LRRC8C: variants seen among roughly 807,000 people sequenced by gnomAD.
LRRC8C encodes the protein volume-regulated anion channel subunit LRRC8C.
A neutral mutation model predicts 55.3 loss-of-function variants in LRRC8C; 20 were observed. That is an observed-to-expected ratio of 0.36 (90% CI 0.25 to 0.53). LRRC8C has a LOEUF of 0.53. LRRC8C is among the 20% of genes least tolerant of loss of function. LRRC8C has a pLI of 0.92. For synonymous variants in LRRC8C, 376 were observed against 360.7 expected (o/e 1.04, Z -0.48); for missense variants, 659 against 951.4 (o/e 0.69, Z 4.04).
chr1:89,668,562 G>A (rs1657331811), intron 1 of LRRC8C, among the ~76,000 whole-genome samples: 1 of 152,136 alleles, frequency 6.6e-6, no homozygotes, highest in Non-Finnish European at 1.5e-5. Flanking sequence ...TTTCCAAATA[G>A]GTCCTTTTGC....
chr1:89,651,456 T>C (rs555294138), intron 1 of LRRC8C, among the ~76,000 whole-genome samples: 305 of 149,372 alleles, frequency 2.0e-3, no homozygotes, highest in African/African-American at 7.1e-3. Flanking sequence ...TACTCCCAGC[T>C]ACTCGGGAGG....
In LRRC8C at chr1:89,673,835, CAG is replaced by C. The variant is rs143278509; in HGVS notation, c.-4-12634_-4-12633del. 7.1e-3 allele frequency among the ~76,000 whole-genome samples: 1,077 copies of C among 152,306 alleles called. 13 individuals are homozygous for C. The highest frequency in any genetic ancestry group is 0.025 in the African/African-American group (1,032 of 41,554). On this transcript the variant is annotated intron_variant, in intron 1 of 2. Transcript: ENST00000370454. Reference sequence around the variant, plus strand: ...GAAAGTACTCTCTGACAGAGGTCATCAGGGGGTATCCTCAATGAGAGCCTGAA... The same window carrying C: ...GAAAGTACTCTCTGACAGAGGTCATCGGGGTATCCTCAATGAGAGCCTGAA...
the LRRC8C span, among the ~76,000 whole-genome samples, chr1:89,616,389 C>T: frequency 6.6e-6 from 1 of 152,226 alleles, no homozygotes; most frequent in Non-Finnish European, 1.5e-5. Flanking sequence ...TTCTGTAAAA[C>T]ACAGCCAAGT....
At chr1:89,682,944 A>G (rs1657762352) in intron 1 of LRRC8C, among the ~76,000 whole-genome samples, 1 of 152,182 alleles carries the variant, frequency 6.6e-6, no homozygotes, top group South Asian at 2.1e-4. Flanking sequence ...GATTATTGAG[A>G]CTTGAGTATG....
intron 1 of LRRC8C, among the ~76,000 whole-genome samples, chr1:89,651,384 C>T (rs570963565): frequency 2.6e-5 from 4 of 152,050 alleles, no homozygotes; most frequent in Admixed American, 1.3e-4. Context: ...CTGGCTAACA[C>T]GGTGAAACCC....
At chr1:89,675,669 C>G (rs574066249) in intron 1 of LRRC8C, among the ~76,000 whole-genome samples, 1 of 152,332 alleles carries the variant, frequency 6.6e-6, no homozygotes, top group South Asian at 2.1e-4. Context: ...GATTGAAAAC[C>G]TGGCCTTAAC....
chr1:89,623,198 A>G, the LRRC8C span, among the ~76,000 whole-genome samples: 1 of 152,008 alleles, frequency 6.6e-6, no homozygotes, highest in African/African-American at 2.4e-5. Flanking sequence ...ACACACACAC[A>G]CATTCTTTAA....
At chr1:89,621,459 A>T in the LRRC8C span, among the ~76,000 whole-genome samples, 3,131 of 152,122 alleles carry the variant, frequency 0.021, 45 homozygotes, top group Non-Finnish European at 0.032. Flanking sequence ...AGAGCGAGAC[A>T]CCATCTCAAA....
chr1:89,664,749 A>G (rs576462125), intron 1 of LRRC8C, among the ~76,000 whole-genome samples: 1 of 152,266 alleles, frequency 6.6e-6, no homozygotes, highest in Admixed American at 6.5e-5. Context: ...GGCCATTTTC[A>G]CGATATTGAT....
rs7410877 is a variant in LRRC8C, at chr1:89,718,500, G to A, written c.*3518G>A. 6.6e-6 allele frequency: 1 copy of A among 152,092 alleles called. No individual in the cohort carries two copies. Among genetic ancestry groups the A allele is most frequent in the African/African-American group, 2.4e-5 (1 of 41,430 alleles). The allele number at this position is 152,092 out of a possible 1,614,324, so 9.4% of individuals were successfully genotyped here. ...TATCTCTTATTAACACTTCCCCCAA[G>A]AAGGGTTGTGCTGTTATTTATTTTC... is the stretch of plus-strand genomic sequence containing the variant. On this transcript the variant is annotated 3_prime_UTR_variant, in exon 3 of 3. Coordinates refer to ENST00000370454, the MANE Select transcript of LRRC8C (RefSeq NM_032270.5).
In LRRC8C at chr1:89,676,740, A is replaced by G. The variant is rs10922696; in HGVS notation, c.-4-9730A>G. The stretch of plus-strand genomic sequence containing the variant: ...AAAAATACTGTAACAACGTCTTTAA[A>G]TGCACCATTGGCACAGGAAACAATA... On this transcript the variant is annotated intron_variant, in intron 1 of 2. Coordinates refer to ENST00000370454, the MANE Select transcript of LRRC8C (RefSeq NM_032270.5). 2.1e-3 allele frequency among the ~76,000 whole-genome samples: 321 copies of G among 152,344 alleles called. 2 individuals are homozygous for G. The Middle Eastern group carries it at 0.024, about 11-fold the overall frequency.
At position 89,716,679 on chromosome 1, in the gene LRRC8C, C is replaced by T. The variant is rs946110152; in HGVS notation, c.*1697C>T. 1 of 152,196 alleles carries T rather than the reference C, an allele frequency of 6.6e-6. No individual in the cohort carries two copies. Among genetic ancestry groups the T allele is most frequent in the Non-Finnish European group, 1.5e-5 (1 of 68,034 alleles). 9.4% of individuals were successfully genotyped at this position (152,196 alleles called of 1,614,324 possible). A position where few individuals can be genotyped will look rare whatever the true frequency, so the allele number is the denominator to read the frequency against. ...GTTTTATGTACCAAATTCACATTGACCATTTTCTGAGCTCTAGACTGATCG... is the reference window on the plus strand; with the variant it reads ...GTTTTATGTACCAAATTCACATTGATCATTTTCTGAGCTCTAGACTGATCG... On this transcript the variant is annotated 3_prime_UTR_variant, in exon 3 of 3. Coordinates refer to ENST00000370454, the MANE Select transcript of LRRC8C (RefSeq NM_032270.5).
chr1:89,696,792 T>A (rs1274630103), intron 2 of LRRC8C, among the ~76,000 whole-genome samples: 1 of 152,144 alleles, frequency 6.6e-6, no homozygotes, highest in Non-Finnish European at 1.5e-5. Context: ...TCAAGCCCTC[T>A]TTCACCTAGA....
chr1:89,692,337 G>A (rs1326540718), intron 2 of LRRC8C, among the ~76,000 whole-genome samples: 1 of 152,192 alleles, frequency 6.6e-6, no homozygotes, highest in African/African-American at 2.4e-5. Context: ...AACACTCTTT[G>A]ATGATAAAAT....
At chr1:89,623,151 GACACACAC>G in the LRRC8C span, among the ~76,000 whole-genome samples, 64,099 of 149,598 alleles carry the variant, frequency 0.43, 13,895 homozygotes, top group East Asian at 0.72. Flanking sequence ...AACTAACTCA[GACACACAC>G]ACACACACAC....
chr1:89,680,077 C>T (rs1165835739), intron 1 of LRRC8C, among the ~76,000 whole-genome samples: 1 of 142,932 alleles, frequency 7.0e-6, no homozygotes, highest in Admixed American at 7.0e-5. Context: ...TACCAATATT[C>T]TTTTTTTTTT....
At position 89,715,832 on chromosome 1, in the gene LRRC8C, A is replaced by G. The variant is rs1047623258; in HGVS notation, c.*850A>G. ...TTTTTGAGTAATTTAATCATCTTTC[A>G]TATCTTGATATGCAGCTGCATCAGA... On this transcript the variant is annotated 3_prime_UTR_variant, in exon 3 of 3. Coordinates refer to ENST00000370454, the MANE Select transcript of LRRC8C (RefSeq NM_032270.5). 6.6e-6 allele frequency: 1 copy of G among 152,174 alleles called. No individual in the cohort carries two copies. Among genetic ancestry groups the G allele is most frequent in the Non-Finnish European group, 1.5e-5 (1 of 68,030 alleles). The allele number at this position is 152,174 out of a possible 1,614,324, so 9.4% of individuals were successfully genotyped here.
chr1:89,663,293 G>A (rs114209901), intron 1 of LRRC8C, among the ~76,000 whole-genome samples: 4,939 of 152,240 alleles, frequency 0.032, 112 homozygotes, highest in Non-Finnish European at 0.05. Context: ...ACATGTGGCC[G>A]GACGCGGTGG....
At position 89,714,552 on chromosome 1, in the gene LRRC8C, G is replaced by C; in HGVS notation, c.1982G>C (p.Ser661Thr). 6.2e-7 allele frequency: 1 copy of C among 1,614,130 alleles called. No homozygotes were observed. The highest frequency in any genetic ancestry group is 8.5e-7 in the Non-Finnish European group (1 of 1,180,014). Reference sequence around the variant, plus strand: ...CCAGAGCATATAAAGAAACTCACCAGCCTGGAACGCCTGTCCTTTAGTCAC... The same window carrying C: ...CCAGAGCATATAAAGAAACTCACCACCCTGGAACGCCTGTCCTTTAGTCAC... ...YIPEHIKKLT[S>T]LERLSFSHNK... Residue 661 changes from serine (S) to threonine (T), a missense_variant, in exon 3 of 3, where the codon AGC becomes ACC. By Grantham distance (58) the Ser-to-Thr change is moderately conservative. Transcript: ENST00000370454. This position sits in a 1 kb window ranked among gnomAD's most constrained non-coding sequence, Gnocchi z 4.6.
Sources: gnomAD v4.1 joint callset for allele counts (sites outside exome capture counted in the v4.1 genomes callset) on GRCh38, gnomAD v4.1.1 for gene constraint, Gnocchi (gnomAD v3.1) non-coding constraint, MANE v1.5 for transcripts, NCBI Gene and HGNC (gene_info 2026-07-23, HGNC 2026-07-21) for gene names.